Variants in SLC47A2 observed in about 807,000 individuals in gnomAD.
SLC47A2 encodes the protein solute carrier family 47 member 2.
SLC47A2 carries 52 observed loss-of-function variants against 67.7 expected under a neutral mutation model. That is an observed-to-expected ratio of 0.77 (90% CI 0.61 to 0.97). The LOEUF is 0.97. Among genes scored for constraint, SLC47A2 ranks in the 50% least tolerant of loss-of-function variants. The probability of loss-of-function intolerance (pLI) is 0.00; values close to 1 mark genes in which losing one functional copy is unlikely to be tolerated. For synonymous variants in SLC47A2, 278 were observed against 292.9 expected (o/e 0.95, Z 0.52); for missense variants, 676 against 712.3 (o/e 0.95, Z 0.58).
At chr17:19,715,407 C>T (rs1012414456) in intron 1 of SLC47A2, among the ~76,000 whole-genome samples, 190 bp from the exon 2 acceptor site, 16 of 152,134 alleles carry the variant, frequency 1.1e-4, no homozygotes, top group African/African-American at 3.6e-4. Context: ...GCTGCAGTCA[C>T]GCCTGGCCTC....
chr17:19,712,806 C>T, intron 4 of SLC47A2, 61 bp from the exon 5 acceptor site: 4 of 1,523,176 alleles, frequency 2.6e-6, no homozygotes. Flanking sequence ...GCAGGGCCCT[C>T]TCCCCTGTGT....
In SLC47A2 at chr17:19,678,606, G is replaced by T; in HGVS notation, c.*80C>A. The T allele has an allele frequency of 7.0e-7, 1 of 1,430,354 alleles. No homozygotes were observed. The highest frequency in any genetic ancestry group is 9.8e-7 in the Non-Finnish European group (1 of 1,020,668). The allele number at this position is 1,430,354 out of a possible 1,614,324, so 88.6% of individuals were successfully genotyped here. On this transcript the variant is annotated 3_prime_UTR_variant, in exon 17 of 17. Transcript: ENST00000433844. ...GTGTCCACCTGCACTAGACCCCATT[G>T]GTGTTTTTGCAGGGCAGACCGTGGT...
Position 19,704,091 on chromosome 17 carries a change from C to T in SLC47A2, c.997G>A (p.Val333Ile), listed in dbSNP as rs750799842. 59 of 1,610,030 alleles carry T rather than the reference C, an allele frequency of 3.7e-5. No individual in the cohort carries two copies. Among genetic ancestry groups the T allele is most frequent in the African/African-American group, 2.1e-4 (16 of 74,846 alleles). Residue 333 changes from valine (V) to isoleucine (I), a missense_variant, in exon 11 of 17, where the codon GTC becomes ATC. Val to Ile is a conservative substitution (Grantham distance 29). Transcript: ENST00000433844. ...ADTVQAKRSA[V>I]SGVLSIVGIS... ...CTACCTATGCTGAGCACGCCCGAGA[C>T]GGCCGAGCGCTTGGCCTGCACAGTA...
intron 13 of SLC47A2, among the ~76,000 whole-genome samples, chr17:19,700,319 C>A (rs974353560): frequency 7.2e-5 from 11 of 152,090 alleles, no homozygotes; most frequent in Non-Finnish European, 1.3e-4. Context: ...AAGAAAAAAC[C>A]GACTAGCCAG....
At chr17:19,714,104 G>T in intron 3 of SLC47A2, 131 bp from the exon 4 acceptor site, 1 of 1,261,664 alleles carries the variant, frequency 7.9e-7, no homozygotes, top group Non-Finnish European at 1.1e-6. Context: ...ACCACAGCCT[G>T]GCGCCCGCAG....
chr17:19,686,154 C>T (rs1435930934), intron 13 of SLC47A2, among the ~76,000 whole-genome samples: 1 of 152,050 alleles, frequency 6.6e-6, no homozygotes, highest in Non-Finnish European at 1.5e-5. Flanking sequence ...CCCAGCTACT[C>T]AGGAGGCTGA....
At position 19,704,147 on chromosome 17, in the gene SLC47A2, A is replaced by T; in HGVS notation, c.941T>A (p.Val314Asp). The T allele has an allele frequency of 6.2e-7, 1 of 1,612,416 alleles. No individual in the cohort carries two copies. The highest frequency in any genetic ancestry group is 8.5e-7 in the Non-Finnish European group (1 of 1,179,676). The change falls in exon 11 of 17, where the codon GTC becomes GAC. Residue 314 changes from valine (V) to aspartate (D), a missense_variant. Transcript: ENST00000433844. ...IPLGLSIGVC[V>D]RVGMALGAAD... ...AGCCCCCAGAGCCATCCCCACTCGG[A>T]CACAGACCCCGATGCTGAGCCCCAA...
intron 12 of SLC47A2, 38 bp downstream of exon 12, chr17:19,703,054 C>T (rs1308582240): frequency 6.3e-7 from 1 of 1,594,652 alleles, no homozygotes; most frequent in Non-Finnish European, 8.6e-7. Flanking sequence ...ACCACTTTGA[C>T]ATTTTCCAAG....
In SLC47A2 at chr17:19,703,283, AG is replaced by A. The variant is rs1338505795; in HGVS notation, c.1019-117del. 3.3e-6 allele frequency: 3 copies of A among 901,292 alleles called. No homozygotes were observed. In the African/African-American group the frequency reaches 5.0e-5, roughly 15 times the overall value. 55.8% of individuals were successfully genotyped at this position (901,292 alleles called of 1,614,324 possible). On this transcript the variant is annotated intron_variant, in intron 11 of 16. Transcript: ENST00000433844. ...CAAGTCAGCCCAGCCCTCTGCAACC[AG>A]GTGCCTTTTGTCACAGGCCTTCATG...
upstream of SLC47A2, chr17:19,716,796 ACCGCT>A: frequency 3.8e-6 from 2 of 524,380 alleles, no homozygotes; most frequent in South Asian, 5.8e-5. Flanking sequence ...AGTCACCCAG[ACCGCT>A]GCCTGTTGTG....
chr17:19,705,388 A>C, intron 10 of SLC47A2, 48 bp downstream of exon 10: 1 of 1,564,912 alleles, frequency 6.4e-7, no homozygotes, highest in Non-Finnish European at 8.7e-7. Flanking sequence ...TGACACCTCC[A>C]GCCATCAGGT....
chr17:19,681,249 T>A, intron 15 of SLC47A2, 118 bp downstream of exon 15: 2 of 790,072 alleles, frequency 2.5e-6, no homozygotes, highest in Non-Finnish European at 4.0e-6. Flanking sequence ...CACCTGCAGC[T>A]TATACCACAC....
rs533606206 is a variant in SLC47A2 at position 19,686,765 on chromosome 17, G to A, written c.1165-5095C>T. Among the ~76,000 whole-genome samples, 77 of 152,230 alleles carry A rather than the reference G, an allele frequency of 5.1e-4. 2 individuals carry two copies. The South Asian group carries it at 0.016, about 31-fold the overall frequency. On this transcript the variant is annotated intron_variant, in intron 13 of 16. Transcript: ENST00000433844. ...GAATATCACATTTATAAATATATATGTACCCAACACTGGAGAACCCAGATA... is the reference window on the plus strand; with the variant it reads ...GAATATCACATTTATAAATATATATATACCCAACACTGGAGAACCCAGATA...
chr17:19,707,036 A>G (rs1175027121), intron 8 of SLC47A2, among the ~76,000 whole-genome samples: 1 of 151,598 alleles, frequency 6.6e-6, no homozygotes, highest in East Asian at 1.9e-4. Context: ...TCCCCACTCC[A>G]CCACCCACCA....
At chr17:19,683,874 A>G (rs1342677727) in intron 13 of SLC47A2, among the ~76,000 whole-genome samples, 1 of 152,178 alleles carries the variant, frequency 6.6e-6, no homozygotes, top group East Asian at 1.9e-4. Context: ...TTAAACTAGA[A>G]AGCTAGACTT....
rs577642172 is a variant in SLC47A2 at position 19,697,751 on chromosome 17, C to T, written c.1164+4854G>A. 8.1e-5 allele frequency among the ~76,000 whole-genome samples: 11 copies of T among 136,472 alleles called. No homozygotes were observed. In the South Asian group the frequency reaches 2.2e-3, roughly 27 times the overall value. 89.5% of individuals were successfully genotyped at this position (136,472 alleles called of 152,430 possible). A position where few individuals can be genotyped will look rare whatever the true frequency, so the allele number is the denominator to read the frequency against. On this transcript the variant is annotated intron_variant, in intron 13 of 16. Transcript: ENST00000433844. ...TACAGATATGCACCACTATGCCCAG[C>T]TTTTTTTTTTTTTTTTAATGTTTTG...
intron 13 of SLC47A2, among the ~76,000 whole-genome samples, chr17:19,698,281 C>T (rs2085709632): frequency 6.6e-6 from 1 of 152,180 alleles, no homozygotes; most frequent in Non-Finnish European, 1.5e-5. Context: ...ACCCTAATGT[C>T]TATTAAATGG....
intron 2 of SLC47A2, 24 bp from the exon 3 acceptor site, chr17:19,714,813 CAA>C (rs771066834): frequency 6.2e-7 from 1 of 1,613,918 alleles, no homozygotes; most frequent in Admixed American, 1.7e-5. Context: ...CAGGAGGAAA[CAA>C]GAGCTTGTCA....
At chr17:19,684,022 G>A (rs1054326915) in intron 13 of SLC47A2, among the ~76,000 whole-genome samples, 2 of 152,158 alleles carry the variant, frequency 1.3e-5, no homozygotes, top group Non-Finnish European at 2.9e-5. Flanking sequence ...CTCACATGCA[G>A]CATTCTCCAG....
Sources: gnomAD v4.1 joint callset for allele counts (sites outside exome capture counted in the v4.1 genomes callset) on GRCh38, gnomAD v4.1.1 for gene constraint, MANE v1.5 for transcripts, NCBI Gene and HGNC (gene_info 2026-07-23, HGNC 2026-07-21) for gene names.